The following FAM178B variants were observed in gnomAD, a reference collection of about 807,000 sequenced individuals.
FAM178B encodes the protein protein FAM178B.
A neutral mutation model predicts 91.7 loss-of-function variants in FAM178B; 82 were observed. That is an observed-to-expected ratio of 0.89 (90% CI 0.75 to 1.07). The LOEUF is 1.07. Ranked by LOEUF, FAM178B falls within the 50% of genes least tolerant of loss-of-function variation. The probability of loss-of-function intolerance (pLI) is 0.00; values close to 1 mark genes in which losing one functional copy is unlikely to be tolerated. For synonymous variants in FAM178B, 368 were observed against 359.4 expected (o/e 1.02, Z -0.27); for missense variants, 769 against 846.7 (o/e 0.91, Z 1.14).
chr2:96,962,342 T>C (rs2082091714), intron 5 of FAM178B, among the ~76,000 whole-genome samples: 1 of 151,182 alleles, frequency 6.6e-6, no homozygotes, highest in East Asian at 1.9e-4. Context: ...GGCAGGAGAA[T>C]TGCTTGAACC....
At chr2:96,879,081 C>T (rs773251083) in intron 14 of FAM178B, among the ~76,000 whole-genome samples, 13 of 152,344 alleles carry the variant, frequency 8.5e-5, no homozygotes, top group Middle Eastern at 3.4e-3. Context: ...GATCTTGAGG[C>T]ACCCCTGGAC....
intron 1 of FAM178B, among the ~76,000 whole-genome samples, chr2:96,976,507 C>A (rs2082290243): frequency 6.6e-6 from 1 of 152,026 alleles, no homozygotes; most frequent in Non-Finnish European, 1.5e-5. Flanking sequence ...CATACAAAAT[C>A]TTGCACACAA....
intron 4 of FAM178B, among the ~76,000 whole-genome samples, chr2:96,970,019 C>G (rs1010956241): frequency 6.6e-6 from 1 of 152,206 alleles, no homozygotes; most frequent in African/African-American, 2.4e-5. Flanking sequence ...AAAAACAACA[C>G]AACACAACAA....
intron 12 of FAM178B, among the ~76,000 whole-genome samples, chr2:96,908,636 G>A (rs2081097969): frequency 6.6e-6 from 1 of 152,224 alleles, no homozygotes; most frequent in Non-Finnish European, 1.5e-5. Context: ...GGGGCCTGAT[G>A]GGGCTTCTGG....
intron 13 of FAM178B, chr2:96,898,217 C>T (rs2080859366): frequency 5.4e-6 from 4 of 747,174 alleles, no homozygotes; most frequent in Non-Finnish European, 6.5e-6. Context: ...CCTTGTCCTC[C>T]TGTCTGTGAA....
At position 96,926,975 on chromosome 2, in the gene FAM178B, G is replaced by A. The variant is rs182987354; in HGVS notation, c.1193+2231C>T. 1.4e-4 allele frequency among the ~76,000 whole-genome samples: 22 copies of A among 152,344 alleles called. No homozygotes were observed. In the South Asian group the frequency reaches 2.3e-3, roughly 16 times the overall value. On this transcript the variant is annotated intron_variant, in intron 9 of 16. Transcript: ENST00000490605. Reference sequence around the variant, plus strand: ...TGGATGGAGGCATCCCTGGAAGTCAGCAGAAAAAAGATGCCTGGGCGGAGC... The same window carrying A: ...TGGATGGAGGCATCCCTGGAAGTCAACAGAAAAAAGATGCCTGGGCGGAGC...
chr2:96,931,198 C>T lies in FAM178B; in HGVS notation c.1079-1878G>A, dbSNP rs190774012. ...GTTAGGGATACATCAGAAGCACATACGTGAGACTTCACCATTCTAGAGGGT... is the reference window on the plus strand; with the variant it reads ...GTTAGGGATACATCAGAAGCACATATGTGAGACTTCACCATTCTAGAGGGT... On this transcript the variant is annotated intron_variant, in intron 8 of 16. Coordinates refer to ENST00000490605, the MANE Select transcript of FAM178B (RefSeq NM_001122646.3). Among the ~76,000 whole-genome samples the T allele has an allele frequency of 7.2e-5, 11 of 152,260 alleles. No individual in the cohort carries two copies. The South Asian group carries it at 1.2e-3, about 17-fold the overall frequency.
chr2:96,966,862 C>T (rs1020407524), intron 5 of FAM178B, among the ~76,000 whole-genome samples: 3 of 152,152 alleles, frequency 2.0e-5, no homozygotes, highest in African/African-American at 7.2e-5. Flanking sequence ...CCTGGAAGAG[C>T]GCTCTCACCA....
intron 6 of FAM178B, among the ~76,000 whole-genome samples, chr2:96,955,756 C>A (rs867015226): frequency 1.2e-4 from 18 of 152,178 alleles, no homozygotes; most frequent in African/African-American, 3.9e-4. Context: ...TGCTTGCTAC[C>A]TCCGCTTGCT....
chr2:96,978,127 CG>C (rs2082316450), intron 1 of FAM178B, among the ~76,000 whole-genome samples: 1 of 152,154 alleles, frequency 6.6e-6, no homozygotes. Flanking sequence ...GCACGGAAGT[CG>C]TCTCATCTCA....
Position 96,981,752 on chromosome 2 carries a change from A to AG in FAM178B, c.73+4488_73+4489insC, listed in dbSNP as rs200779582. 9.3e-3 allele frequency among the ~76,000 whole-genome samples: 326 copies of AG among 34,880 alleles called. 2 individuals carry two copies. The highest frequency in any genetic ancestry group is 0.035 in the Non-Finnish European group (177 of 5,052). The allele number at this position is 34,880 out of a possible 152,430, so 22.9% of individuals were successfully genotyped here. A position where few individuals can be genotyped will look rare whatever the true frequency, so the allele number is the denominator to read the frequency against. ...TGAGACTCCGTCTCAAAAAAAAAAAAAAAAAAAAAAGAAAGAAAGAAACTG... is the reference window on the plus strand; with the variant it reads ...TGAGACTCCGTCTCAAAAAAAAAAAAGAAAAAAAAAAGAAAGAAAGAAACTG... On this transcript the variant is annotated intron_variant, in intron 1 of 16. Transcript: ENST00000490605.
intron 12 of FAM178B, among the ~76,000 whole-genome samples, chr2:96,915,039 G>A (rs2081219342): frequency 2.0e-5 from 3 of 152,172 alleles, no homozygotes; most frequent in Admixed American, 2.0e-4. Flanking sequence ...TGCTGAGATG[G>A]AAAATGGGTA....
chr2:96,958,134 T>G (rs2082026763), intron 6 of FAM178B, among the ~76,000 whole-genome samples: 1 of 149,496 alleles, frequency 6.7e-6, no homozygotes, highest in Admixed American at 6.7e-5. Context: ...AGTGGCACGA[T>G]CTCAGCTCAC....
At chr2:96,966,630 T>G (rs1036850729) in intron 5 of FAM178B, among the ~76,000 whole-genome samples, 1 of 151,842 alleles carries the variant, frequency 6.6e-6, no homozygotes, top group Non-Finnish European at 1.5e-5. Flanking sequence ...GACAAATGGG[T>G]GAATGGATGG....
intron 6 of FAM178B, among the ~76,000 whole-genome samples, chr2:96,955,722 A>C (rs2081990123): frequency 1.3e-5 from 2 of 152,132 alleles, no homozygotes; most frequent in Admixed American, 1.3e-4. Context: ...CACAGGCAGA[A>C]ACTCAGGGAT....
At chr2:96,972,426 T>C in intron 2 of FAM178B, 104 bp from the exon 3 acceptor site, 3 of 1,486,776 alleles carry the variant, frequency 2.0e-6, no homozygotes, top group South Asian at 1.3e-5. Context: ...AGAGAACAAC[T>C]TGGGGTTGCT....
chr2:96,909,663 C>CT (rs1381592413), intron 12 of FAM178B, among the ~76,000 whole-genome samples: 68 of 151,546 alleles, frequency 4.5e-4, no homozygotes, highest in South Asian at 3.8e-3. Context: ...AGCCCAAAGT[C>CT]TTTTTTTTTC....
At chr2:96,973,982 AAC>A (rs1171636938) in intron 1 of FAM178B, among the ~76,000 whole-genome samples, 1 of 152,088 alleles carries the variant, frequency 6.6e-6, no homozygotes, top group Non-Finnish European at 1.5e-5. Flanking sequence ...CAACCTGAGC[AAC>A]AGAGTGAGAC....
chr2:96,961,339 G>GTGTGTA (rs2082079012), intron 5 of FAM178B, among the ~76,000 whole-genome samples: 1 of 149,990 alleles, frequency 6.7e-6, no homozygotes, highest in Non-Finnish European at 1.5e-5. Flanking sequence ...GTGTGTGTGT[G>GTGTGTA]TACACACACA....
Sources: allele counts gnomAD v4.1 joint callset (sites outside exome capture counted in the v4.1 genomes callset), GRCh38; gene constraint gnomAD v4.1.1; transcripts MANE v1.5; gene names NCBI Gene and HGNC (gene_info 2026-07-23, HGNC 2026-07-21).